STON2: variants seen among roughly 807,000 people sequenced by gnomAD.
STON2 encodes stonin 2.
Under a neutral mutation model 65.7 loss-of-function variants are expected in STON2, and 29 were observed. The observed-to-expected ratio is 0.44, with a 90% confidence interval of 0.33 to 0.60. The LOEUF is 0.60. Ranked by LOEUF, STON2 falls within the 20% of genes least tolerant of loss-of-function variation. The pLI, the probability that STON2 is intolerant of heterozygous loss-of-function variation, is 0.03. For synonymous variants in STON2, 404 were observed against 414.2 expected (o/e 0.98, Z 0.30); for missense variants, 1,054 against 1,118.1 (o/e 0.94, Z 0.82).
chr14:81,281,364 T>C (rs1010926845), intron 5 of STON2, among the ~76,000 whole-genome samples: 2 of 152,208 alleles, frequency 1.3e-5, no homozygotes, highest in Non-Finnish European at 2.9e-5. Context: ...TTCCTTGGAA[T>C]GGTAATTGAT....
chr14:81,397,079 A>G (rs1044673747), intron 2 of STON2, among the ~76,000 whole-genome samples: 1 of 152,166 alleles, frequency 6.6e-6, no homozygotes, highest in Admixed American at 6.5e-5. Flanking sequence ...CAACAACAAA[A>G]AAACTATATC....
At chr14:81,283,919 G>T (rs1357756666) in intron 5 of STON2, among the ~76,000 whole-genome samples, 1 of 152,074 alleles carries the variant, frequency 6.6e-6, no homozygotes, top group Non-Finnish European at 1.5e-5. Flanking sequence ...TCTGTCTCTG[G>T]GTCACGTTTT....
intron 5 of STON2, among the ~76,000 whole-genome samples, chr14:81,288,066 A>G (rs1278464889): frequency 6.6e-6 from 1 of 152,244 alleles, no homozygotes; most frequent in Non-Finnish European, 1.5e-5. Flanking sequence ...TCTGCTTTAT[A>G]AATTAGTTCC....
intron 4 of STON2, among the ~76,000 whole-genome samples, chr14:81,338,586 T>A (rs1333584468): frequency 6.6e-6 from 1 of 152,188 alleles, no homozygotes; most frequent in Admixed American, 6.5e-5. Flanking sequence ...CAGATTTATA[T>A]CTGGTCGATC....
At chr14:81,383,230 T>C (rs1269159219) in intron 3 of STON2, among the ~76,000 whole-genome samples, 1 of 152,222 alleles carries the variant, frequency 6.6e-6, no homozygotes, top group Non-Finnish European at 1.5e-5. Flanking sequence ...AATCCAGCCC[T>C]GTAGCCTGGA....
intron 5 of STON2, among the ~76,000 whole-genome samples, chr14:81,283,489 G>A (rs1895204834): frequency 6.6e-6 from 1 of 151,310 alleles, no homozygotes; most frequent in South Asian, 2.1e-4. Context: ...AGCATATAAA[G>A]GCATACCTCG....
chr14:81,313,098 T>A (rs2140219521), intron 5 of STON2, among the ~76,000 whole-genome samples: 1 of 152,358 alleles, frequency 6.6e-6, no homozygotes, highest in African/African-American at 2.4e-5. Flanking sequence ...TACTATCTAC[T>A]ATAATCTCCT....
intron 5 of STON2, among the ~76,000 whole-genome samples, chr14:81,308,113 G>A (rs2140203691): frequency 6.6e-6 from 1 of 152,284 alleles, no homozygotes; most frequent in Non-Finnish European, 1.5e-5. Context: ...AATGGGTTCT[G>A]AAAGGACTTC....
intron 5 of STON2, among the ~76,000 whole-genome samples, chr14:81,318,411 T>C (rs1896703758): frequency 6.6e-6 from 1 of 152,178 alleles, no homozygotes; most frequent in African/African-American, 2.4e-5. Flanking sequence ...GCTAGGACTT[T>C]AGGAGCCTTC....
chr14:81,265,713 G>T lies in STON2; in HGVS notation c.*2701C>A. 2 of 831,828 alleles carry T rather than the reference G, an allele frequency of 2.4e-6. No homozygotes were observed. Among genetic ancestry groups the T allele is most frequent in the Non-Finnish European group, 2.9e-6 (2 of 691,922 alleles). 51.5% of individuals were successfully genotyped at this position (831,828 alleles called of 1,614,324 possible). A position where few individuals can be genotyped will look rare whatever the true frequency, so the allele number is the denominator to read the frequency against. On this transcript the variant is annotated 3_prime_UTR_variant, in exon 8 of 8. Coordinates refer to ENST00000614646, the MANE Select transcript of STON2 (RefSeq NM_001394390.1). ...TAATAATAATAATAATAATTTGTTT[G>T]CAGAATATAGATAGCATAGAAGGGA...
At chr14:81,387,949 C>CTTTTTTTTT (rs369887955) in intron 3 of STON2, among the ~76,000 whole-genome samples, 1 of 102,790 alleles carries the variant, frequency 9.7e-6, no homozygotes, top group Non-Finnish European at 1.8e-5. Flanking sequence ...TATTTCTTTT[C>CTTTTTTTTT]TTTTTTTTTT....
intron 4 of STON2, among the ~76,000 whole-genome samples, chr14:81,356,616 C>T (rs1183667037): frequency 1.3e-5 from 2 of 152,094 alleles, no homozygotes; most frequent in African/African-American, 4.8e-5. Flanking sequence ...TGGTAGAATT[C>T]GGCTGTGAAT....
At chr14:81,408,115 C>A (rs1900957969) in intron 2 of STON2, among the ~76,000 whole-genome samples, 1 of 149,690 alleles carries the variant, frequency 6.7e-6, no homozygotes, top group South Asian at 2.1e-4. Flanking sequence ...ATTAATAAAA[C>A]CTGAACAGAG....
chr14:81,353,369 T>C (rs1187238723), intron 4 of STON2, among the ~76,000 whole-genome samples: 2 of 152,154 alleles, frequency 1.3e-5, no homozygotes, highest in Admixed American at 1.3e-4. Flanking sequence ...GAAAATTTAA[T>C]TTAGGACATT....
chr14:81,261,123 C>G lies in STON2; in HGVS notation c.*7291G>C, dbSNP rs147988578. 1 of 152,302 alleles carries G rather than the reference C, an allele frequency of 6.6e-6. No homozygotes were observed. The highest frequency in any genetic ancestry group is 1.9e-4 in the East Asian group (1 of 5,184). The allele number at this position is 152,302 out of a possible 1,614,324, so 9.4% of individuals were successfully genotyped here. Reference sequence around the variant, plus strand: ...TAAGGTCAGAGGAGTTCATATCCTTCTCTTCCCTCACCCCTATACTTTAGA... The same window carrying G: ...TAAGGTCAGAGGAGTTCATATCCTTGTCTTCCCTCACCCCTATACTTTAGA... On this transcript the variant is annotated 3_prime_UTR_variant, in exon 8 of 8. Transcript: ENST00000614646.
At chr14:81,301,706 A>G (rs553764826) in intron 5 of STON2, among the ~76,000 whole-genome samples, 1 of 152,378 alleles carries the variant, frequency 6.6e-6, no homozygotes, top group Admixed American at 6.5e-5. Context: ...TGAAATGTGA[A>G]TAATTACTCA....
intron 5 of STON2, among the ~76,000 whole-genome samples, chr14:81,299,128 C>T (rs1253612543): frequency 6.6e-6 from 1 of 152,186 alleles, no homozygotes; most frequent in African/African-American, 2.4e-5. Context: ...GTATTTGGTA[C>T]TAGAATCATG....
chr14:81,283,541 T>C (rs896398422), intron 5 of STON2, among the ~76,000 whole-genome samples: 13 of 150,752 alleles, frequency 8.6e-5, no homozygotes, highest in Non-Finnish European at 1.9e-4. Flanking sequence ...TTTTTTTTTT[T>C]TTTTTTTGAG....
intron 5 of STON2, among the ~76,000 whole-genome samples, chr14:81,280,312 G>A (rs893049051): frequency 8.5e-5 from 13 of 152,180 alleles, no homozygotes; most frequent in African/African-American, 3.1e-4. Flanking sequence ...TAGCAAGGAG[G>A]AATGAATTCT....
Sources: allele counts gnomAD v4.1 joint callset (sites outside exome capture counted in the v4.1 genomes callset), GRCh38; gene constraint gnomAD v4.1.1; transcripts MANE v1.5; gene names NCBI Gene and HGNC (gene_info 2026-07-23, HGNC 2026-07-21).